The following FBXO41 variants were observed in gnomAD, a reference collection of about 807,000 sequenced individuals.
FBXO41 encodes F-box only protein 41.
Under a neutral mutation model 81.6 loss-of-function variants are expected in FBXO41, and 33 were observed. The ratio of observed to expected loss-of-function variants is 0.40; its 90% CI spans 0.31 to 0.54. The LOEUF (loss-of-function observed/expected upper bound fraction) is 0.54, where lower values mean the gene tolerates loss of function less well. Among genes scored for constraint, FBXO41 ranks in the 20% least tolerant of loss-of-function variants. The pLI is 0.39. For synonymous variants in FBXO41, 576 were observed against 552.7 expected (o/e 1.04, Z -0.59); for missense variants, 1,107 against 1,236.0 (o/e 0.90, Z 1.56).
At chr2:73,277,093 C>G (rs1688717759) in intron 1 of FBXO41, among the ~76,000 whole-genome samples, 1 of 152,186 alleles carries the variant, frequency 6.6e-6, no homozygotes, top group Non-Finnish European at 1.5e-5. Context: ...ATCCTGCTAG[C>G]CAGGCTGCCA....
chr2:73,260,789 G>T lies in FBXO41; in HGVS notation c.2241C>A (p.Ala747=). ...MIGRCWPHLR[A]LGVGGAGCGV... The stretch of plus-strand genomic sequence containing the variant: ...CACAGCCGGCACCCCCGACCCCCAG[G>T]GCCCGCAGGTGGGGCCAACAGCGAC... Residue 747 remains alanine (A), a synonymous_variant, in exon 10 of 13, where the codon GCC becomes GCA. Coordinates refer to ENST00000520530, the MANE Select transcript of FBXO41 (RefSeq NM_001371389.2). The surrounding 1 kb of genome is among the most constrained non-coding windows in gnomAD (Gnocchi z 5.0). 1 of 1,566,340 alleles carries T rather than the reference G, an allele frequency of 6.4e-7. No homozygotes were observed. The highest frequency in any genetic ancestry group is 2.3e-5 in the East Asian group (1 of 42,674).
At chr2:73,274,582 G>A (rs1431909653) in intron 1 of FBXO41, among the ~76,000 whole-genome samples, 3 of 152,044 alleles carry the variant, frequency 2.0e-5, no homozygotes, top group Non-Finnish European at 2.9e-5. Flanking sequence ...GTTTTCTTTC[G>A]ATACTTGTGA....
rs564384797 is a variant in FBXO41, at chr2:73,282,293, C to A, written c.-139+1867G>T. Among the ~76,000 whole-genome samples the A allele has an allele frequency of 3.4e-4, 52 of 152,248 alleles. No individual in the cohort carries two copies. The South Asian group carries it at 9.3e-3, about 27-fold the overall frequency. ...ACAGGCGTGAGCCACCGTGCCTGGC[C>A]TAATATTTGTTAAATGAATGGATAA... is the stretch of plus-strand genomic sequence containing the variant. On this transcript the variant is annotated intron_variant, in intron 1 of 12. Transcript: ENST00000520530.
At chr2:73,270,742 C>A in intron 1 of FBXO41, 1 of 524,560 alleles carries the variant, frequency 1.9e-6, no homozygotes. Flanking sequence ...ACCCTCCTCA[C>A]TGTCAACTCC....
At position 73,269,402 on chromosome 2, in the gene FBXO41, G is replaced by A. The variant is rs1054291096; in HGVS notation, c.229C>T (p.Pro77Ser). ...APEPAALLAV[P>S]GARREVFEST... The stretch of plus-strand genomic sequence containing the variant: ...TCGAAGACCTCTCGCCGGGCGCCGG[G>A]CACGGCCAGCAGGGCGGCGGGCTCG... The change falls in exon 2 of 13, where the codon CCC (proline) becomes TCC (serine). Residue 77 changes from proline (P) to serine (S), a missense_variant. Coordinates refer to ENST00000520530, the MANE Select transcript of FBXO41 (RefSeq NM_001371389.2). The surrounding 1 kb of genome is among the most constrained non-coding windows in gnomAD (Gnocchi z 7.0). The A allele has an allele frequency of 2.5e-5, 36 of 1,458,260 alleles. No homozygotes were observed. Among genetic ancestry groups the A allele is most frequent in the Non-Finnish European group, 3.2e-5 (35 of 1,109,584 alleles). The allele number at this position is 1,458,260 out of a possible 1,614,324, so 90.3% of individuals were successfully genotyped here.
rs761966696 is a variant in FBXO41 at position 73,260,878 on chromosome 2, AG to A, written c.2172-21del. The A allele has an allele frequency of 4.5e-6, 7 of 1,543,688 alleles. No individual in the cohort carries two copies. Among genetic ancestry groups the A allele is most frequent in the Non-Finnish European group, 6.1e-6 (7 of 1,140,620 alleles). On this transcript the variant is annotated intron_variant, in intron 9 of 12. Transcript: ENST00000520530. The surrounding 1 kb of genome is among the most constrained non-coding windows in gnomAD (Gnocchi z 5.0). ...TGCTGGCTGGAGAATGGGAAGGGGG[AG>A]CCGTCAGGGAAGTCTCTGGATGCTT...
chr2:73,264,471 C>A lies in FBXO41; in HGVS notation c.1613G>T (p.Ser538Ile), dbSNP rs541815872. ...SGRGRRAERV[S>I]PSRSNEVISP... ...GATGACCTCATTGGAGCGTGAGGGG[C>A]TGACCCTCTCTGCTCGCCGACCCCG... Residue 538 changes from serine to isoleucine, a missense_variant, in exon 6 of 13, where the codon AGC (serine) becomes ATC (isoleucine). Transcript: ENST00000520530. 8.7e-6 allele frequency: 14 copies of A among 1,613,782 alleles called. No homozygotes were observed. The highest frequency in any genetic ancestry group is 1.1e-5 in the Non-Finnish European group (13 of 1,179,904).
chr2:73,267,012 C>T (rs528260416), intron 2 of FBXO41, among the ~76,000 whole-genome samples: 80 of 152,304 alleles, frequency 5.3e-4, no homozygotes, highest in African/African-American at 1.9e-3. Context: ...TACATCCCCA[C>T]ACACATGTAC....
intron 5 of FBXO41, 70 bp downstream of exon 5, chr2:73,265,212 G>T (rs1433295568): frequency 7.1e-7 from 1 of 1,404,720 alleles, no homozygotes; most frequent in East Asian, 2.4e-5. Context: ...GAAAGGGGAG[G>T]GGGGTGCAGG....
At position 73,260,954 on chromosome 2, in the gene FBXO41, C is replaced by T; in HGVS notation, c.2172-96G>A. On this transcript the variant is annotated intron_variant, in intron 9 of 12. Transcript: ENST00000520530. This position sits in a 1 kb window ranked among gnomAD's most constrained non-coding sequence, Gnocchi z 5.0. ...GGGACCCCTCCCTGACTCAGGCAAG[C>T]ATTCCTCCAACAACCCAGCAGGTCA... The T allele has an allele frequency of 9.7e-7, 1 of 1,028,920 alleles. No individual in the cohort carries two copies. The highest frequency in any genetic ancestry group is 1.4e-6 in the Non-Finnish European group (1 of 706,558). The allele number at this position is 1,028,920 out of a possible 1,614,324, so 63.7% of individuals were successfully genotyped here.
intron 1 of FBXO41, chr2:73,271,043 A>C: frequency 7.1e-6 from 3 of 424,278 alleles, no homozygotes; most frequent in Admixed American, 4.9e-5. Flanking sequence ...TGCCTTCCTA[A>C]ACGTCCTCAT....
intron 6 of FBXO41, 22 bp downstream of exon 6, chr2:73,264,256 G>A (rs1688139201): frequency 1.9e-6 from 3 of 1,613,054 alleles, no homozygotes; most frequent in Non-Finnish European, 2.5e-6. Context: ...GCAGGGCACA[G>A]AAGGCAGGCA....
chr2:73,268,971 CTCCAGCCGCCGG>C lies in FBXO41; in HGVS notation c.648_659del (p.Asp216_Leu219del). 1.3e-6 allele frequency: 2 copies of C among 1,538,306 alleles called. No individual in the cohort carries two copies. Among genetic ancestry groups the C allele is most frequent in the South Asian group, 1.2e-5 (1 of 84,020 alleles). On this transcript the variant is annotated inframe_deletion, in exon 2 of 13. Transcript: ENST00000520530. ...TCTGCTCCACCTCCTCGCTCAGCCG[CTCCAGCCGCCGG>C]TCCACCTCCAGCTTCTCCAGCGCGC... is the stretch of plus-strand genomic sequence containing the variant.
chr2:73,268,884 C>A lies in FBXO41; in HGVS notation c.747G>T (p.Glu249Asp). ...AELERKAAEL[E>D]TARQESARLG... ...GCCTCGCACTCTCCTGCCGCGCAGT[C>A]TCCAGTTCGGCCGCCTTGCGCTCCA... The change falls in exon 2 of 13, where the codon GAG (glutamate) becomes GAT (aspartate). Residue 249 changes from glutamate to aspartate, a missense_variant. This residue lies in a region of FBXO41 where 771 missense variants were observed against 789.2 expected (regional missense o/e 0.98). Transcript: ENST00000520530. The A allele has an allele frequency of 6.4e-7, 1 of 1,557,872 alleles. No homozygotes were observed. The highest frequency in any genetic ancestry group is 1.2e-5 in the South Asian group (1 of 84,646).
intron 4 of FBXO41, 102 bp from the exon 5 acceptor site, chr2:73,265,742 G>T: frequency 2.8e-6 from 4 of 1,430,980 alleles, no homozygotes; most frequent in Non-Finnish European, 2.8e-6. Context: ...CACCCGCCCT[G>T]CTTTCCAAAA....
chr2:73,276,605 G>GAGAGGGAGAGA (rs1647508694), intron 1 of FBXO41, among the ~76,000 whole-genome samples: 1 of 46,234 alleles, frequency 2.2e-5, no homozygotes, highest in African/African-American at 1.7e-4. Flanking sequence ...AGAGAGAGAG[G>GAGAGGGAGAGA]GAGAGAGGGA....
Position 73,260,759 on chromosome 2 carries a change from C to A in FBXO41, c.2271G>T (p.Val757=). 6.4e-7 allele frequency: 1 copy of A among 1,553,876 alleles called. No homozygotes were observed. Among genetic ancestry groups the A allele is most frequent in the East Asian group, 2.4e-5 (1 of 41,480 alleles). The change falls in exon 10 of 13, where the codon GTG becomes GTT. Residue 757 remains valine (V), a synonymous_variant. Transcript: ENST00000520530. The surrounding 1 kb of genome is among the most constrained non-coding windows in gnomAD (Gnocchi z 5.0). The stretch of plus-strand genomic sequence containing the variant: ...ACTCACCGAGTGATGCCAGGCCCTG[C>A]ACCCCACAGCCGGCACCCCCGACCC... ...ALGVGGAGCG[V]QGLASLARNC...
chr2:73,268,411 G>T (rs1032431300), intron 2 of FBXO41, among the ~76,000 whole-genome samples: 22 of 152,140 alleles, frequency 1.4e-4, no homozygotes, highest in African/African-American at 4.6e-4. Context: ...GAAAAGGAGA[G>T]GGGAGAGTTG....
rs992926042 is a variant in FBXO41, at chr2:73,255,117, T to G, written c.*3865A>C. On this transcript the variant is annotated 3_prime_UTR_variant, in exon 13 of 13. Transcript: ENST00000520530. ...CCTGGGTCACCTCAGGCCTCTGCCC[T>G]GGATACAAGACCCTTGTCAGGGCAG... The G allele has an allele frequency of 6.5e-6, 1 of 152,676 alleles. No homozygotes were observed. The highest frequency in any genetic ancestry group is 2.4e-5 in the African/African-American group (1 of 41,466). 9.5% of individuals were successfully genotyped at this position (152,676 alleles called of 1,614,324 possible).
Sources: allele counts gnomAD v4.1 joint callset (sites outside exome capture counted in the v4.1 genomes callset), GRCh38; gene constraint gnomAD v4.1.1; regional missense constraint gnomAD v4.1.1; non-coding constraint Gnocchi (gnomAD v3.1); transcripts MANE v1.5; gene names NCBI Gene and HGNC (gene_info 2026-07-23, HGNC 2026-07-21).